EML5: variants seen among roughly 807,000 people sequenced by gnomAD.
The protein encoded by EML5 is EMAP like 5.
EML5 carries 120 observed loss-of-function variants against 250.0 expected under a neutral mutation model. The observed-to-expected ratio is 0.48, with a 90% CI of 0.41 to 0.56. The LOEUF is 0.56. Among genes scored for constraint, EML5 ranks in the 20% least tolerant of loss-of-function variants. EML5 has a pLI of 0.00. For missense variants in EML5, 2,006 were observed against 2,437.6 expected (o/e 0.82, Z 3.73); for synonymous variants, 771 against 806.5 (o/e 0.96, Z 0.75).
chr14:88,705,762 A>G (rs537563073), intron 11 of EML5, 174 bp from the exon 12 acceptor site: 5 of 675,910 alleles, frequency 7.4e-6, no homozygotes, highest in East Asian at 2.8e-5. Context: ...ACTACAGATT[A>G]TCTTCCTCTC....
intron 1 of EML5, among the ~76,000 whole-genome samples, chr14:88,761,788 G>A (rs1236864476): frequency 1.3e-5 from 2 of 152,138 alleles, no homozygotes; most frequent in African/African-American, 4.8e-5. Context: ...TTCCACAATG[G>A]TTGAACGAAT....
chr14:88,696,500 T>C (rs2093082379), intron 15 of EML5, among the ~76,000 whole-genome samples: 2 of 152,192 alleles, frequency 1.3e-5, no homozygotes, highest in Non-Finnish European at 2.9e-5. Context: ...AAGTTTACTC[T>C]GGCTATAAAA....
intron 21 of EML5, among the ~76,000 whole-genome samples, chr14:88,669,611 G>A (rs1019884289): frequency 6.6e-6 from 1 of 152,178 alleles, no homozygotes; most frequent in Non-Finnish European, 1.5e-5. Flanking sequence ...AGCTCCTAGA[G>A]GGGAGGGGCA....
At chr14:88,666,096 T>C (rs1190342611) in intron 21 of EML5, among the ~76,000 whole-genome samples, 1 of 152,086 alleles carries the variant, frequency 6.6e-6, no homozygotes, top group South Asian at 2.1e-4. Context: ...AGAAATTAAG[T>C]TGATGAAAAA....
chr14:88,657,594 A>G, intron 26 of EML5, 92 bp from the exon 27 acceptor site: 1 of 1,277,226 alleles, frequency 7.8e-7, no homozygotes, highest in Non-Finnish European at 1.0e-6. Flanking sequence ...AACAATATGA[A>G]ATAAATTAAG....
In EML5 at chr14:88,792,390, G is replaced by A. The variant is rs1244062362; in HGVS notation, c.114C>T (p.Tyr38=). 3 of 1,572,522 alleles carry A rather than the reference G, an allele frequency of 1.9e-6. No individual in the cohort carries two copies. In the African/African-American group the frequency reaches 4.1e-5, roughly 21 times the overall value. The part of the protein sequence containing the change: ...LYYTAAKEIV[Y]FVAGVGVVYS... ...ACACCACGCCGACCCCCGCCACGAA[G>A]TATACGATCTCCTTGGCCGCAGTGT... Residue 38 remains tyrosine (Y), a synonymous_variant, in exon 1 of 44, where the codon TAC becomes TAT. Transcript: ENST00000554922. The surrounding 1 kb of genome is among the most constrained non-coding windows in gnomAD (Gnocchi z 6.9).
intron 1 of EML5, among the ~76,000 whole-genome samples, chr14:88,777,804 A>G (rs946473727): frequency 6.6e-6 from 1 of 152,150 alleles, no homozygotes; most frequent in East Asian, 1.9e-4. Context: ...GGCAAAATCC[A>G]TCTCTACAAA....
At chr14:88,763,074 C>T (rs946227067) in intron 1 of EML5, among the ~76,000 whole-genome samples, 5 of 152,152 alleles carry the variant, frequency 3.3e-5, no homozygotes, top group African/African-American at 1.2e-4. Context: ...CTAAAATCGA[C>T]ACCCTAACAT....
chr14:88,701,518 A>G (rs535971698), intron 14 of EML5, among the ~76,000 whole-genome samples: 1 of 152,184 alleles, frequency 6.6e-6, no homozygotes, highest in Non-Finnish European at 1.5e-5. Flanking sequence ...AGTGAATGAA[A>G]GAAAGGAAGA....
chr14:88,775,905 AAGAG>A (rs36018473), intron 1 of EML5, among the ~76,000 whole-genome samples: 5,541 of 150,542 alleles, frequency 0.037, 351 homozygotes, highest in African/African-American at 0.13. Flanking sequence ...GGTGGCTCAG[AAGAG>A]AGAGAGAGAG....
intron 7 of EML5, among the ~76,000 whole-genome samples, chr14:88,732,836 G>A (rs992956359): frequency 2.2e-4 from 34 of 152,204 alleles, no homozygotes; most frequent in South Asian, 6.2e-4. Context: ...CTTTTGAGAC[G>A]GAGTCTGGCT....
intron 1 of EML5, among the ~76,000 whole-genome samples, chr14:88,762,354 T>C (rs1219479007): frequency 6.6e-6 from 1 of 151,732 alleles, no homozygotes; most frequent in Non-Finnish European, 1.5e-5. Flanking sequence ...CTAATAAAAA[T>C]AAAAAATTAG....
At chr14:88,753,234 C>T (rs1167509860) in intron 2 of EML5, among the ~76,000 whole-genome samples, 2 of 152,208 alleles carry the variant, frequency 1.3e-5, no homozygotes, top group Non-Finnish European at 2.9e-5. Flanking sequence ...GCATGCCCCA[C>T]TCCCACAAGG....
chr14:88,690,947 G>A (rs947987518), intron 17 of EML5, among the ~76,000 whole-genome samples: 1 of 152,208 alleles, frequency 6.6e-6, no homozygotes. Flanking sequence ...CACTAGAGCA[G>A]GTTAGCACTC....
chr14:88,652,405 C>T (rs2091672347), intron 27 of EML5, among the ~76,000 whole-genome samples: 1 of 152,142 alleles, frequency 6.6e-6, no homozygotes. Flanking sequence ...TTCCCCATTA[C>T]TAACGTGTTT....
chr14:88,702,767 T>C (rs2093240431), intron 13 of EML5, 135 bp from the exon 14 acceptor site: 1 of 610,798 alleles, frequency 1.6e-6, no homozygotes, highest in South Asian at 2.9e-5. Flanking sequence ...AACAATTTTT[T>C]TTCAAGAGAT....
At position 88,658,140 on chromosome 14, in the gene EML5, G is replaced by A. The variant is rs766238480; in HGVS notation, c.3877+47C>T. ...AACTTCCACAGCTTAAACAAGTTGT[G>A]CTAAATTTTCCCTATATTTTTGTTC... On this transcript the variant is annotated intron_variant, in intron 26 of 43. Transcript: ENST00000554922. 6 of 1,579,696 alleles carry A rather than the reference G, an allele frequency of 3.8e-6. 1 individual carries two copies. The South Asian group carries it at 6.7e-5, about 18-fold the overall frequency.
intron 1 of EML5, among the ~76,000 whole-genome samples, chr14:88,766,920 CG>C (rs2094327993): frequency 6.6e-6 from 1 of 152,070 alleles, no homozygotes; most frequent in South Asian, 2.1e-4. Context: ...TGGTTTCCCC[CG>C]ATAGCACACA....
chr14:88,712,518 A>T, intron 9 of EML5, 35 bp from the exon 10 acceptor site: 1 of 1,534,270 alleles, frequency 6.5e-7, no homozygotes, highest in East Asian at 2.3e-5. Context: ...TTAAAAAGTT[A>T]TTTCATTTGA....
Sources: gnomAD v4.1 joint callset for allele counts (sites outside exome capture counted in the v4.1 genomes callset) on GRCh38, gnomAD v4.1.1 for gene constraint, Gnocchi (gnomAD v3.1) non-coding constraint, MANE v1.5 for transcripts, NCBI Gene and HGNC (gene_info 2026-07-23, HGNC 2026-07-21) for gene names.